HIGD1A: variants seen among roughly 807,000 people sequenced by gnomAD.
HIGD1A encodes the protein HIG1 hypoxia inducible domain family member 1A.
A neutral mutation model predicts 11.3 loss-of-function variants in HIGD1A; 8 were observed. The observed-to-expected ratio is 0.71, with a 90% CI of 0.42 to 1.28. HIGD1A has a LOEUF of 1.28. HIGD1A is among the 50% of genes most tolerant of loss of function. The probability of loss-of-function intolerance (pLI) is 0.01; values close to 1 mark genes in which losing one functional copy is unlikely to be tolerated. For missense variants in HIGD1A, 107 were observed against 118.8 expected, an observed-to-expected ratio of 0.90 and a Z score of 0.46; for synonymous variants, 32 against 38.4, an observed-to-expected ratio of 0.83 and a Z score of 0.62.
At chr3:42,788,475 G>T (rs1220208422) in intron 2 of HIGD1A, among the ~76,000 whole-genome samples, 9 of 152,086 alleles carry the variant, frequency 5.9e-5, no homozygotes, top group African/African-American at 2.2e-4. Flanking sequence ...AATTATAAGG[G>T]CATTCTCAAT....
chr3:42,804,122 C>T lies in HIGD1A; in HGVS notation c.-23+314G>A, dbSNP rs773632469. 3.8e-6 allele frequency: 6 copies of T among 1,580,712 alleles called. No individual in the cohort carries two copies. The South Asian group carries it at 5.7e-5, about 15-fold the overall frequency. On this transcript the variant is annotated intron_variant, in intron 1 of 3. Coordinates refer to ENST00000321331, the MANE Select transcript of HIGD1A (RefSeq NM_014056.4). ...GCCCAGTCAACACCCTCCTGGCCCCCGTCTCTCATTACCACCCCATCAGCG... is the reference window on the plus strand; with the variant it reads ...GCCCAGTCAACACCCTCCTGGCCCCTGTCTCTCATTACCACCCCATCAGCG...
rs1446965389 is a variant in HIGD1A at position 42,794,230 on chromosome 3, G to T, written c.24C>A (p.Ser8=). 12 of 1,603,710 alleles carry T rather than the reference G, an allele frequency of 7.5e-6. No homozygotes were observed. In the South Asian group the frequency reaches 1.4e-4, roughly 18 times the overall value. ...CCTGATCTTCCTCATATGAAGGAAGGGAAACACCTGTGTCTGTTGACATAG... is the reference window on the plus strand; with the variant it reads ...CCTGATCTTCCTCATATGAAGGAAGTGAAACACCTGTGTCTGTTGACATAG... MSTDTGV[S]LPSYEEDQGS... Residue 8 remains serine, a synonymous_variant, in exon 2 of 4, where the codon TCC becomes TCA. Coordinates refer to ENST00000321331, the MANE Select transcript of HIGD1A (RefSeq NM_014056.4).
Position 42,790,167 on chromosome 3 carries a change from A to C in HIGD1A, c.97+3990T>G, listed in dbSNP as rs557787673. On this transcript the variant is annotated intron_variant, in intron 2 of 3. Coordinates refer to ENST00000321331, the MANE Select transcript of HIGD1A (RefSeq NM_014056.4). ...ATCACATAAAAAAAACTATACGCAT[A>C]ATTAGGAAGAAACTCTACTGGTTTG... 8.8e-4 allele frequency among the ~76,000 whole-genome samples: 134 copies of C among 152,340 alleles called. 1 individual carries two copies. The highest frequency in any genetic ancestry group is 3.1e-3 in the African/African-American group (128 of 41,566).
intron 1 of HIGD1A, among the ~76,000 whole-genome samples, chr3:42,799,297 T>TAAAAAA (rs532630050): frequency 8.7e-6 from 1 of 114,582 alleles, no homozygotes; most frequent in African/African-American, 3.8e-5. Flanking sequence ...AAAAATAAAT[T>TAAAAAA]AAAAAAAAAA....
chr3:42,790,762 T>G (rs1700413617), intron 2 of HIGD1A, among the ~76,000 whole-genome samples: 2 of 152,142 alleles, frequency 1.3e-5, no homozygotes, highest in Non-Finnish European at 2.9e-5. Flanking sequence ...AAATGAGACA[T>G]TTTTCCCGTT....
intron 2 of HIGD1A, among the ~76,000 whole-genome samples, chr3:42,791,675 T>C (rs865868348): frequency 3.9e-5 from 6 of 152,216 alleles, no homozygotes; most frequent in African/African-American, 1.4e-4. Flanking sequence ...CAGCAATGGT[T>C]AAATCAATGT....
At chr3:42,791,343 T>C (rs1036491548) in intron 2 of HIGD1A, among the ~76,000 whole-genome samples, 16 of 152,094 alleles carry the variant, frequency 1.1e-4, no homozygotes, top group South Asian at 2.1e-4. Flanking sequence ...TTGCAACATA[T>C]TAAGAAAACA....
chr3:42,788,855 G>T (rs926990330), intron 2 of HIGD1A, among the ~76,000 whole-genome samples: 1 of 151,352 alleles, frequency 6.6e-6, no homozygotes, highest in Admixed American at 6.6e-5. Flanking sequence ...TCCAGCCTGG[G>T]CGACAGAGCG....
chr3:42,787,171 A>C (rs969504221), intron 2 of HIGD1A, among the ~76,000 whole-genome samples: 2 of 152,194 alleles, frequency 1.3e-5, no homozygotes, highest in Non-Finnish European at 2.9e-5. Context: ...TAAAGGTCTT[A>C]GGGAATAAAT....
Sources: allele counts gnomAD v4.1 joint callset (sites outside exome capture counted in the v4.1 genomes callset), GRCh38; gene constraint gnomAD v4.1.1; transcripts MANE v1.5; gene names NCBI Gene and HGNC (gene_info 2026-07-23, HGNC 2026-07-21).